Variants in SIRT1 observed in about 807,000 individuals in gnomAD.
The protein encoded by SIRT1 is NAD-dependent protein deacetylase sirtuin-1.
A neutral mutation model predicts 67.9 loss-of-function variants in SIRT1; 24 were observed. That is an observed-to-expected ratio of 0.35 (90% confidence interval 0.26 to 0.50). The LOEUF (loss-of-function observed/expected upper bound fraction) is 0.50, where lower values mean the gene tolerates loss of function less well. Among genes scored for constraint, SIRT1 ranks in the 20% least tolerant of loss-of-function variants. The probability of loss-of-function intolerance (pLI) is 0.98; values close to 1 mark genes in which losing one functional copy is unlikely to be tolerated. For missense variants in SIRT1, 873 were observed against 937.2 expected, an observed-to-expected ratio of 0.93 and a Z score of 0.89; for synonymous variants, 378 against 350.7, an observed-to-expected ratio of 1.08 and a Z score of -0.87.
At chr10:67,900,394 C>G (rs545555223) in intron 4 of SIRT1, among the ~76,000 whole-genome samples, 3 of 152,256 alleles carry the variant, frequency 2.0e-5, no homozygotes, top group African/African-American at 7.2e-5. Flanking sequence ...ATCCGCCCAC[C>G]TTGGCCTCCC....
At chr10:67,893,985 A>G (rs2131856640) in intron 4 of SIRT1, among the ~76,000 whole-genome samples, 1 of 152,324 alleles carries the variant, frequency 6.6e-6, no homozygotes, top group South Asian at 2.1e-4. Context: ...TTTAAAAAAA[A>G]AGTGATTTTT....
chr10:67,887,994 TCTTA>T (rs1343312751), intron 2 of SIRT1, among the ~76,000 whole-genome samples: 5 of 152,356 alleles, frequency 3.3e-5, no homozygotes, highest in African/African-American at 7.2e-5. Flanking sequence ...AAGCTCTGTA[TCTTA>T]CTTTTTAAAT....
rs963230479 is a variant in SIRT1 at position 67,884,951 on chromosome 10, G to GGGAGGC, written c.237_242dup (p.Glu82_Ala83dup). 4.8e-6 allele frequency: 6 copies of GGGAGGC among 1,255,476 alleles called. No individual in the cohort carries two copies. Among genetic ancestry groups the GGGAGGC allele is most frequent in the South Asian group, 7.5e-5 (2 of 26,836 alleles). The allele number at this position is 1,255,476 out of a possible 1,614,324, so 77.8% of individuals were successfully genotyped here. A position where few individuals can be genotyped will look rare whatever the true frequency, so the allele number is the denominator to read the frequency against. ...GGTGCGGCGGCGGCGGCGCTGTGGC[G>GGGAGGC]GGAGGCGGAGGCAGAGGCGGCGGCG... On this transcript the variant is annotated inframe_insertion, in exon 1 of 9. Coordinates refer to ENST00000212015, the MANE Select transcript of SIRT1 (RefSeq NM_012238.5).
At chr10:67,906,324 G>A in intron 4 of SIRT1, 2 of 1,539,578 alleles carry the variant, frequency 1.3e-6, no homozygotes, top group South Asian at 1.2e-5. Context: ...CTTCCAGCAG[G>A]TTGATATTCT....
rs539698204 is a variant in SIRT1, at chr10:67,916,933, AT to A, written c.*345del. On this transcript the variant is annotated 3_prime_UTR_variant, in exon 9 of 9. Transcript: ENST00000212015. The stretch of plus-strand genomic sequence containing the variant: ...TTTGTTTTGTCTAGTGAGTTTCAAC[AT>A]TTTTAAAGTTTTCAAAAAGCCATCG... The A allele has an allele frequency of 4.9e-4, 79 of 162,386 alleles. No homozygotes were observed. The highest frequency in any genetic ancestry group is 9.0e-4 in the Non-Finnish European group (67 of 74,842). The allele number at this position is 162,386 out of a possible 1,614,324, so 10.1% of individuals were successfully genotyped here. A position where few individuals can be genotyped will look rare whatever the true frequency, so the allele number is the denominator to read the frequency against.
intron 4 of SIRT1, among the ~76,000 whole-genome samples, chr10:67,905,580 A>G (rs1842809302): frequency 6.6e-6 from 1 of 152,102 alleles, no homozygotes; most frequent in South Asian, 2.1e-4. Context: ...TTTAATTTGA[A>G]AGATTAAATA....
At chr10:67,897,452 C>G (rs1842676078) in intron 4 of SIRT1, among the ~76,000 whole-genome samples, 1 of 152,028 alleles carries the variant, frequency 6.6e-6, no homozygotes, top group Non-Finnish European at 1.5e-5. Context: ...ACTGCAACCT[C>G]TGCTTCCCAG....
intron 7 of SIRT1, 25 bp from the exon 8 acceptor site, chr10:67,912,445 TCTAA>T: frequency 1.9e-6 from 3 of 1,549,506 alleles, no homozygotes; most frequent in Non-Finnish European, 1.7e-6. Flanking sequence ...CCTCCCTTTT[TCTAA>T]CTCTTATTTT....
At chr10:67,915,831 A>G (rs1459669511) in intron 8 of SIRT1, among the ~76,000 whole-genome samples, 1 of 152,104 alleles carries the variant, frequency 6.6e-6, no homozygotes, top group Non-Finnish European at 1.5e-5. Flanking sequence ...TTTATTGAAT[A>G]TGGTTTTCTA....
At chr10:67,885,681 T>C (rs1337721205) in intron 1 of SIRT1, among the ~76,000 whole-genome samples, 1 of 152,154 alleles carries the variant, frequency 6.6e-6, no homozygotes, top group Non-Finnish European at 1.5e-5. Flanking sequence ...AAGCTGTTTC[T>C]ATAGTCACAG....
chr10:67,889,564 A>G (rs552375543), intron 3 of SIRT1, among the ~76,000 whole-genome samples: 104 of 152,234 alleles, frequency 6.8e-4, no homozygotes, highest in Middle Eastern at 6.8e-3. Flanking sequence ...CTCCATATTA[A>G]TTAAGATGAT....
At chr10:67,915,221 G>C (rs1241330876) in intron 8 of SIRT1, among the ~76,000 whole-genome samples, 1 of 152,172 alleles carries the variant, frequency 6.6e-6, no homozygotes, top group Non-Finnish European at 1.5e-5. Context: ...GAGAGAACTT[G>C]AGATAGGCCA....
intron 4 of SIRT1, among the ~76,000 whole-genome samples, chr10:67,902,334 T>C (rs949970229): frequency 6.6e-5 from 10 of 152,214 alleles, no homozygotes; most frequent in South Asian, 2.1e-4. Flanking sequence ...CCTGAACTTA[T>C]TCTTCCCAGC....
At position 67,891,574 on chromosome 10, in the gene SIRT1, T is replaced by A; in HGVS notation, c.942+20T>A. The A allele has an allele frequency of 6.2e-7, 1 of 1,611,850 alleles. No homozygotes were observed. The highest frequency in any genetic ancestry group is 8.5e-7 in the Non-Finnish European group (1 of 1,178,668). ...GCAAAGGTACTATGAACTCTTCTGG[T>A]TGTTTCTTTGGCCTTCTCTCATGAA... On this transcript the variant is annotated intron_variant, in intron 4 of 8. Transcript: ENST00000212015.
chr10:67,908,151 A>G (rs1842848582), intron 6 of SIRT1, 26 bp downstream of exon 6: 3 of 1,579,466 alleles, frequency 1.9e-6, no homozygotes, highest in Middle Eastern at 1.7e-4. Context: ...TATTTTAGGA[A>G]TTGTTCATGT....
intron 2 of SIRT1, among the ~76,000 whole-genome samples, 172 bp from the exon 3 acceptor site, chr10:67,888,710 C>G (rs1166459658): frequency 1.3e-5 from 2 of 152,124 alleles, no homozygotes; most frequent in African/African-American, 4.8e-5. Flanking sequence ...TCTTCCTAAT[C>G]TCATTGGGAT....
chr10:67,913,371 C>T (rs1409071962), intron 8 of SIRT1, among the ~76,000 whole-genome samples: 2 of 152,280 alleles, frequency 1.3e-5, no homozygotes, highest in East Asian at 3.9e-4. Context: ...GGAACTATTA[C>T]TCTTCTTCAG....
Position 67,912,688 on chromosome 10 carries a change from G to C in SIRT1, c.1572G>C (p.Leu524Phe). The C allele has an allele frequency of 6.2e-7, 1 of 1,614,124 alleles. No homozygotes were observed. Among genetic ancestry groups the C allele is most frequent in the South Asian group, 1.1e-5 (1 of 91,080 alleles). ...GAACACAAAAAGAATTGGCTTATTT[G>C]TCAGAGTTGCCACCCACACCTCTTC... Reference protein sequence around the residue: ...PPRTQKELAYLSELPPTPLHV... With the variant: ...PPRTQKELAYFSELPPTPLHV... Residue 524 changes from leucine to phenylalanine, a missense_variant, in exon 8 of 9, where the codon TTG (leucine) becomes TTC (phenylalanine). Leu to Phe is a conservative substitution (Grantham distance 22). This residue lies in a region of SIRT1 where 295 missense variants were observed against 294.5 expected (regional missense o/e 1.00). Transcript: ENST00000212015.
At chr10:67,888,809 A>G (rs763014325) in intron 2 of SIRT1, 73 bp from the exon 3 acceptor site, 97 of 1,514,748 alleles carry the variant, frequency 6.4e-5, no homozygotes, top group Non-Finnish European at 8.2e-5. Context: ...ATGCTAACTC[A>G]TTACTTCAGA....
Sources: allele counts gnomAD v4.1 joint callset (sites outside exome capture counted in the v4.1 genomes callset), GRCh38; gene constraint gnomAD v4.1.1; regional missense constraint gnomAD v4.1.1; transcripts MANE v1.5; gene names NCBI Gene and HGNC (gene_info 2026-07-23, HGNC 2026-07-21).